RANBP17: variants seen among roughly 807,000 people sequenced by gnomAD.
RANBP17 encodes RAN binding protein 17.
A neutral mutation model predicts 141.2 loss-of-function variants in RANBP17; 158 were observed. That is an observed-to-expected ratio of 1.12 (90% CI 0.98 to 1.28). The LOEUF is 1.28. Ranked by LOEUF, RANBP17 falls within the 50% of genes most tolerant of loss-of-function variation. The pLI is 0.00. For missense variants in RANBP17, 1,438 were observed against 1,290.7 expected (o/e 1.11, Z -1.75); for synonymous variants, 430 against 450.0 (o/e 0.96, Z 0.56).
chr5:171,261,656 A>G (rs1430460722), intron 24 of RANBP17, among the ~76,000 whole-genome samples: 1 of 152,220 alleles, frequency 6.6e-6, no homozygotes, highest in African/African-American at 2.4e-5. Context: ...CCAAACAACA[A>G]GTTGCTACAG....
rs1784798618 is a variant in RANBP17 at position 171,074,442 on chromosome 5, G to A, written c.1711-95688G>A. Among the ~76,000 whole-genome samples, 3 of 152,140 alleles carry A rather than the reference G, an allele frequency of 2.0e-5. No homozygotes were observed. The South Asian group carries it at 6.2e-4, about 31-fold the overall frequency. ...AAAAGATATTAGTGGGAAAACTGGT[G>A]AAATACACATAAAGTCTGTAATTCA... is the stretch of plus-strand genomic sequence containing the variant. On this transcript the variant is annotated intron_variant, in intron 14 of 27. Transcript: ENST00000523189.
At chr5:170,980,241 A>G (rs924039657) in intron 14 of RANBP17, among the ~76,000 whole-genome samples, 1 of 152,212 alleles carries the variant, frequency 6.6e-6, no homozygotes, top group African/African-American at 2.4e-5. Flanking sequence ...TAAAAGGGAA[A>G]CAGCATAAAA....
intron 14 of RANBP17, among the ~76,000 whole-genome samples, chr5:171,073,950 C>A (rs1005987562): frequency 6.6e-6 from 1 of 151,498 alleles, no homozygotes; most frequent in Non-Finnish European, 1.5e-5. Context: ...TTGATGAATT[C>A]TTCGGAGAAA....
chr5:171,164,489 A>G (rs1403084708), intron 14 of RANBP17, among the ~76,000 whole-genome samples: 1 of 151,956 alleles, frequency 6.6e-6, no homozygotes, highest in African/African-American at 2.4e-5. Flanking sequence ...TGCAAATTCT[A>G]CAGGCAATAT....
chr5:171,154,160 C>G (rs1758693027), intron 14 of RANBP17, among the ~76,000 whole-genome samples: 2 of 131,846 alleles, frequency 1.5e-5, no homozygotes, highest in Admixed American at 8.0e-5. Flanking sequence ...AATATTCCAT[C>G]TTTTCTAAGA....
intron 14 of RANBP17, among the ~76,000 whole-genome samples, chr5:171,113,887 CATT>C (rs1413543426): frequency 6.6e-6 from 1 of 152,110 alleles, no homozygotes; most frequent in Non-Finnish European, 1.5e-5. Flanking sequence ...AGCTCTATGT[CATT>C]ATATCACAAC....
At chr5:170,895,747 AGTTTATTATTTGTCCTAT>A (rs1770059832) in intron 4 of RANBP17, among the ~76,000 whole-genome samples, 1 of 152,142 alleles carries the variant, frequency 6.6e-6, no homozygotes, top group Non-Finnish European at 1.5e-5. Context: ...TTTGAAACTT[AGTTTATTATTTGTCCTAT>A]AAGTGCTGGA....
intron 14 of RANBP17, among the ~76,000 whole-genome samples, chr5:171,053,629 G>A (rs1206326792): frequency 1.3e-5 from 2 of 151,678 alleles, no homozygotes; most frequent in Non-Finnish European, 2.9e-5. Flanking sequence ...GTAGACTTTT[G>A]TAGATTTTCT....
intron 14 of RANBP17, among the ~76,000 whole-genome samples, chr5:171,130,057 T>C (rs1756791006): frequency 6.6e-6 from 1 of 152,216 alleles, no homozygotes; most frequent in Non-Finnish European, 1.5e-5. Context: ...GTCTGTGGTG[T>C]ACATGTTAAG....
At chr5:171,293,801 G>T in intron 25 of RANBP17, 82 bp from the exon 26 acceptor site, 1 of 983,762 alleles carries the variant, frequency 1.0e-6, no homozygotes. Context: ...TGGAGGGGTG[G>T]AATCTGAGCA....
intron 14 of RANBP17, chr5:171,029,042 T>G (rs1031810498): frequency 3.6e-5 from 28 of 773,838 alleles, no homozygotes; most frequent in Non-Finnish European, 4.5e-5. Context: ...GTCAGGTAAG[T>G]CATACTCAGG....
chr5:170,961,135 A>G (rs1776126125), intron 13 of RANBP17, among the ~76,000 whole-genome samples: 1 of 152,192 alleles, frequency 6.6e-6, no homozygotes, highest in Admixed American at 6.5e-5. Context: ...AGGAAATAGC[A>G]TTTGTTATAG....
intron 14 of RANBP17, among the ~76,000 whole-genome samples, chr5:171,116,079 T>C (rs984290234): frequency 6.6e-6 from 1 of 152,354 alleles, no homozygotes; most frequent in Non-Finnish European, 1.5e-5. Context: ...ACTAACTTCT[T>C]GTAGAGAGAA....
chr5:171,047,504 T>C (rs1782673672), intron 14 of RANBP17, among the ~76,000 whole-genome samples: 1 of 150,584 alleles, frequency 6.6e-6, no homozygotes, highest in Non-Finnish European at 1.5e-5. Flanking sequence ...TGGTGCGATC[T>C]CAGCTCACTG....
chr5:171,280,380 C>T (rs1424309197), intron 25 of RANBP17, among the ~76,000 whole-genome samples: 3 of 152,170 alleles, frequency 2.0e-5, no homozygotes, highest in East Asian at 1.9e-4. Flanking sequence ...CAGGCTCAAA[C>T]GATCCTCTCA....
chr5:170,877,310 C>A (rs777664184), intron 1 of RANBP17, among the ~76,000 whole-genome samples: 2 of 151,926 alleles, frequency 1.3e-5, no homozygotes, highest in Non-Finnish European at 2.9e-5. Context: ...CTCTGTCACC[C>A]GCTGAAGTAC....
chr5:171,088,462 A>G (rs1053546758), intron 14 of RANBP17, among the ~76,000 whole-genome samples: 5 of 151,892 alleles, frequency 3.3e-5, no homozygotes, highest in African/African-American at 1.2e-4. Flanking sequence ...CTTCTCGAGG[A>G]GTATCTTTGT....
chr5:171,102,992 C>T (rs369875447), intron 14 of RANBP17, among the ~76,000 whole-genome samples: 5 of 152,102 alleles, frequency 3.3e-5, no homozygotes, highest in African/African-American at 4.8e-5. Context: ...AGAGGGGTAC[C>T]GGCCAGATGC....
chr5:171,198,300 G>A (rs1371699889), intron 18 of RANBP17, among the ~76,000 whole-genome samples: 5 of 152,246 alleles, frequency 3.3e-5, no homozygotes, highest in South Asian at 2.1e-4. Context: ...ACTGACCTTC[G>A]TTTAGAACGG....
Sources: gnomAD v4.1 joint callset for allele counts (sites outside exome capture counted in the v4.1 genomes callset) on GRCh38, gnomAD v4.1.1 for gene constraint, MANE v1.5 for transcripts, NCBI Gene and HGNC (gene_info 2026-07-23, HGNC 2026-07-21) for gene names.